Variants in GRK3 observed in about 807,000 individuals in gnomAD.
GRK3 encodes adrenergic, beta, receptor kinase 2.
A neutral mutation model predicts 95.7 loss-of-function variants in GRK3; 54 were observed. The ratio of observed to expected loss-of-function variants is 0.56; its 90% CI spans 0.45 to 0.71. The LOEUF (loss-of-function observed/expected upper bound fraction) is 0.71. Among genes scored for constraint, GRK3 ranks in the 30% least tolerant of loss-of-function variants. The pLI is 0.00. For synonymous variants in GRK3, 281 were observed against 290.8 expected (o/e 0.97, Z 0.34); for missense variants, 649 against 851.2 (o/e 0.76, Z 2.96).
intron 2 of GRK3, among the ~76,000 whole-genome samples, chr22:25,643,292 G>A (rs942117975): frequency 2.0e-5 from 3 of 152,154 alleles, no homozygotes; most frequent in Admixed American, 2.0e-4. Context: ...CCTGACCCTG[G>A]TAAAGTCTGG....
chr22:25,695,042 G>C, intron 12 of GRK3, 65 bp from the exon 13 acceptor site: 1 of 1,163,194 alleles, frequency 8.6e-7, no homozygotes, highest in Non-Finnish European at 1.3e-6. Flanking sequence ...CCGGACCTTG[G>C]GGCGCTGTTA....
Position 25,572,410 on chromosome 22 carries a change from C to G in GRK3, c.113+7257C>G, listed in dbSNP as rs530330244. Among the ~76,000 whole-genome samples the G allele has an allele frequency of 5.4e-3, 817 of 152,268 alleles. 5 individuals are homozygous for G. Among genetic ancestry groups the G allele is most frequent in the African/African-American group, 0.019 (782 of 41,550 alleles). ...GCTGGGTCAAATGGTATTTCTAGTT[C>G]TAGATCTTTGAGGAATCGCCACAGT... On this transcript the variant is annotated intron_variant, in intron 1 of 20. Coordinates refer to ENST00000324198, the MANE Select transcript of GRK3 (RefSeq NM_005160.4).
intron 1 of GRK3, among the ~76,000 whole-genome samples, chr22:25,596,480 G>A (rs2084373295): frequency 6.6e-6 from 1 of 152,090 alleles, no homozygotes; most frequent in Admixed American, 6.5e-5. Context: ...ACATCTATTT[G>A]AAAATGTTAA....
chr22:25,591,120 A>G (rs779740692), intron 1 of GRK3, among the ~76,000 whole-genome samples: 46 of 152,100 alleles, frequency 3.0e-4, no homozygotes, highest in Non-Finnish European at 5.7e-4. Context: ...TGCCTGGCTG[A>G]CCACAAATTC....
At chr22:25,596,047 C>T (rs1170665924) in intron 1 of GRK3, among the ~76,000 whole-genome samples, 2 of 152,082 alleles carry the variant, frequency 1.3e-5, no homozygotes, top group Non-Finnish European at 2.9e-5. Context: ...ATAAGAACCA[C>T]CACCACCAAC....
At chr22:25,685,990 G>T (rs548291292) in intron 10 of GRK3, among the ~76,000 whole-genome samples, 1 of 151,986 alleles carries the variant, frequency 6.6e-6, no homozygotes, top group South Asian at 2.1e-4. Context: ...GGAGACCGAG[G>T]CGGGCGGATC....
intron 2 of GRK3, among the ~76,000 whole-genome samples, chr22:25,637,079 T>C (rs2084707539): frequency 6.6e-6 from 1 of 152,158 alleles, no homozygotes; most frequent in South Asian, 2.1e-4. Context: ...GAGAAAGAGC[T>C]CATCCTTTCT....
chr22:25,667,774 T>C lies in GRK3; in HGVS notation c.477T>C (p.Gly159=). Residue 159 remains glycine (G), a synonymous_variant, in exon 6 of 21, where the codon GGT becomes GGC. Coordinates refer to ENST00000324198, the MANE Select transcript of GRK3 (RefSeq NM_005160.4). ...AAGAAATTTGTGAAAGCCTTCGAGG[T>C]GACATTTTTCAAAAATTTATGGAAA... ...YIEEICESLR[G]DIFQKFMESD... 1 of 1,612,118 alleles carries C rather than the reference T, an allele frequency of 6.2e-7. No individual in the cohort carries two copies. The highest frequency in any genetic ancestry group is 1.7e-4 in the Middle Eastern group (1 of 6,058).
intron 9 of GRK3, among the ~76,000 whole-genome samples, chr22:25,681,926 T>C (rs1478276427): frequency 6.6e-6 from 1 of 152,168 alleles, no homozygotes; most frequent in Non-Finnish European, 1.5e-5. Flanking sequence ...TTCATTAAAT[T>C]GCCACTTATT....
intron 17 of GRK3, among the ~76,000 whole-genome samples, chr22:25,711,653 C>T (rs2085344674): frequency 6.6e-6 from 1 of 151,816 alleles, no homozygotes; most frequent in Non-Finnish European, 1.5e-5. Flanking sequence ...TCGTTATTCC[C>T]CCAAGTAGAG....
rs2085476496 is a variant in GRK3 at position 25,726,637 on chromosome 22, A to G, written c.*4187A>G. The G allele has an allele frequency of 6.6e-6, 1 of 152,194 alleles. No individual in the cohort carries two copies. The highest frequency in any genetic ancestry group is 1.5e-5 in the Non-Finnish European group (1 of 68,028). 9.4% of individuals were successfully genotyped at this position (152,194 alleles called of 1,614,324 possible). A position where few individuals can be genotyped will look rare whatever the true frequency, so the allele number is the denominator to read the frequency against. ...AAGAAAGAAGTTACTGGTAAAAATC[A>G]TTACACCATAAAGCACCAAGGAAAT... On this transcript the variant is annotated 3_prime_UTR_variant, in exon 21 of 21. Transcript: ENST00000324198.
intron 2 of GRK3, among the ~76,000 whole-genome samples, chr22:25,638,126 G>A (rs2084716437): frequency 1.3e-5 from 2 of 152,008 alleles, no homozygotes; most frequent in African/African-American, 4.8e-5. Flanking sequence ...CACTAAAGGC[G>A]ATAACAAGGT....
At chr22:25,599,591 C>CAAAAAAAAAA (rs35202175) in intron 1 of GRK3, among the ~76,000 whole-genome samples, 1 of 82,364 alleles carries the variant, frequency 1.2e-5, no homozygotes, top group Non-Finnish European at 2.9e-5. Flanking sequence ...GACTCTGTCT[C>CAAAAAAAAAA]AAAAAAAAAA....
At chr22:25,706,887 A>G (rs955706106) in intron 15 of GRK3, among the ~76,000 whole-genome samples, 2 of 152,108 alleles carry the variant, frequency 1.3e-5, no homozygotes, top group Admixed American at 6.5e-5. Context: ...CAATGGCATG[A>G]TCATAGCTCA....
intron 17 of GRK3, among the ~76,000 whole-genome samples, chr22:25,712,756 C>T (rs1485270545): frequency 6.6e-6 from 1 of 152,226 alleles, no homozygotes; most frequent in Non-Finnish European, 1.5e-5. Flanking sequence ...AGGCTACAGG[C>T]ATATAGTCAA....
rs1019085021 is a variant in GRK3 at position 25,672,345 on chromosome 22, C to G, written c.553C>G (p.His185Asp). The G allele has an allele frequency of 2.8e-6, 4 of 1,449,142 alleles. No homozygotes were observed. The highest frequency in any genetic ancestry group is 1.8e-5 in the Admixed American group (1 of 55,000). The allele number at this position is 1,449,142 out of a possible 1,614,324, so 89.8% of individuals were successfully genotyped here. A position where few individuals can be genotyped will look rare whatever the true frequency, so the allele number is the denominator to read the frequency against. ...CQWKNVELNIHLTMNEFSVHR... is the reference protein window; with the variant it reads ...CQWKNVELNIDLTMNEFSVHR... ...GTGGAAAAACGTTGAATTAAATATC[C>G]ATGTGAGTATCATCTTTTTCTTTTT... Residue 185 changes from histidine to aspartate, a missense_variant and splice_region_variant, in exon 7 of 21, where the codon CAT becomes GAT. Around this residue, in one of 3 missense-constraint regions of GRK3, gnomAD observed 206 missense variants for 231.4 expected, o/e 0.89. Coordinates refer to ENST00000324198, the MANE Select transcript of GRK3 (RefSeq NM_005160.4).
intron 1 of GRK3, among the ~76,000 whole-genome samples, chr22:25,593,118 G>T (rs1324344346): frequency 6.6e-6 from 1 of 150,490 alleles, no homozygotes; most frequent in African/African-American, 2.5e-5. Context: ...GTGCTGTGAT[G>T]AACATATGAG....
intron 2 of GRK3, among the ~76,000 whole-genome samples, chr22:25,613,820 C>T (rs973447910): frequency 2.0e-5 from 3 of 152,072 alleles, no homozygotes; most frequent in African/African-American, 4.8e-5. Flanking sequence ...CAGCTCTGAA[C>T]ATTTGGGACA....
chr22:25,682,315 C>G (rs138581251), intron 9 of GRK3, among the ~76,000 whole-genome samples: 6 of 152,232 alleles, frequency 3.9e-5, no homozygotes, highest in Non-Finnish European at 8.8e-5. Context: ...GGGCATGGTC[C>G]ATATGGGACC....
Sources: gnomAD v4.1 joint callset for allele counts (sites outside exome capture counted in the v4.1 genomes callset) on GRCh38, gnomAD v4.1.1 for gene constraint, gnomAD v4.1.1 regional missense constraint, MANE v1.5 for transcripts, NCBI Gene and HGNC (gene_info 2026-07-23, HGNC 2026-07-21) for gene names.